The following FRMD4A variants were observed in gnomAD, a reference collection of about 807,000 sequenced individuals.
The protein encoded by FRMD4A is FERM domain containing 4A.
In FRMD4A, 29 loss-of-function variants were observed where a neutral mutation model predicts 129.1. The observed-to-expected ratio is 0.22, with a 90% CI of 0.17 to 0.31. The LOEUF (loss-of-function observed/expected upper bound fraction) is 0.31, where lower values mean the gene tolerates loss of function less well. Ranked by LOEUF, FRMD4A falls within the 10% of genes least tolerant of loss-of-function variation. The pLI is 1.00. For missense variants in FRMD4A, 1,272 were observed against 1,375.8 expected, an observed-to-expected ratio of 0.92 and a Z score of 1.19; for synonymous variants, 634 against 571.6, an observed-to-expected ratio of 1.11 and a Z score of -1.56.
intron 2 of FRMD4A, among the ~76,000 whole-genome samples, chr10:13,948,122 C>A (rs970932142): frequency 6.6e-6 from 1 of 150,896 alleles, no homozygotes; most frequent in Non-Finnish European, 1.5e-5. Context: ...AAATATGGTT[C>A]TCATTAAATG....
At chr10:13,789,818 G>A (rs1438240620) in intron 5 of FRMD4A, among the ~76,000 whole-genome samples, 1 of 144,024 alleles carries the variant, frequency 6.9e-6, no homozygotes, top group African/African-American at 2.8e-5. Context: ...GTGGTGAGGG[G>A]AGTGGGAAGA....
At chr10:13,699,846 T>C (rs1451835248) in intron 14 of FRMD4A, among the ~76,000 whole-genome samples, 1 of 152,196 alleles carries the variant, frequency 6.6e-6, no homozygotes, top group Non-Finnish European at 1.5e-5. Flanking sequence ...CCATTTCTTT[T>C]GATCTAATCG....
chr10:13,712,562 A>G (rs72769528), intron 12 of FRMD4A, among the ~76,000 whole-genome samples: 13,443 of 151,870 alleles, frequency 0.089, 651 homozygotes, highest in Non-Finnish European at 0.1. Flanking sequence ...GATGATCTGG[A>G]CTTGCGTGAA....
At chr10:14,004,897 CT>C (rs2095656287) in intron 2 of FRMD4A, among the ~76,000 whole-genome samples, 1 of 152,190 alleles carries the variant, frequency 6.6e-6, no homozygotes. Flanking sequence ...GTCTTTGTTA[CT>C]TATTTTGTAG....
chr10:14,072,464 G>A (rs1835361809), intron 2 of FRMD4A, among the ~76,000 whole-genome samples: 1 of 152,166 alleles, frequency 6.6e-6, no homozygotes, highest in Non-Finnish European at 1.5e-5. Flanking sequence ...AATATTATAA[G>A]ATTAAAATTC....
At chr10:14,220,971 G>A (rs1373493174) in intron 2 of FRMD4A, among the ~76,000 whole-genome samples, 1 of 151,916 alleles carries the variant, frequency 6.6e-6, no homozygotes, top group Non-Finnish European at 1.5e-5. Flanking sequence ...TATTTAGGCT[G>A]GACTGAGGGG....
intron 15 of FRMD4A, chr10:13,693,685 CTTTT>C (rs200663128): frequency 1.1e-3 from 632 of 601,614 alleles, no homozygotes; most frequent in East Asian, 1.7e-3. Flanking sequence ...TCTACTGATG[CTTTT>C]TTTTTTTTTT....
intron 2 of FRMD4A, among the ~76,000 whole-genome samples, chr10:13,867,242 C>A (rs1264825463): frequency 6.6e-6 from 1 of 151,954 alleles, no homozygotes; most frequent in African/African-American, 2.4e-5. Flanking sequence ...TATACACAAT[C>A]ATATTTTTTG....
intron 2 of FRMD4A, among the ~76,000 whole-genome samples, chr10:13,868,096 A>G (rs2094397351): frequency 6.6e-6 from 1 of 150,766 alleles, no homozygotes; most frequent in Non-Finnish European, 1.5e-5. Flanking sequence ...TCAAAAATAA[A>G]ATTCATCAAT....
chr10:14,257,414 AT>A (rs1434067325), intron 2 of FRMD4A, among the ~76,000 whole-genome samples: 3 of 152,246 alleles, frequency 2.0e-5, no homozygotes, highest in Non-Finnish European at 4.4e-5. Flanking sequence ...CCTTAAAAAA[AT>A]AAAAGCAATG....
intron 13 of FRMD4A, among the ~76,000 whole-genome samples, chr10:13,704,464 T>C (rs548812671): frequency 6.6e-6 from 1 of 152,202 alleles, no homozygotes; most frequent in South Asian, 2.1e-4. Flanking sequence ...TTATCCTAAT[T>C]GAGAAGCCCC....
chr10:14,311,568 C>A (rs960692913), intron 2 of FRMD4A, among the ~76,000 whole-genome samples: 1 of 135,142 alleles, frequency 7.4e-6, no homozygotes, highest in African/African-American at 2.7e-5. Flanking sequence ...ACCCCCCACC[C>A]TCCCACCCAC....
At chr10:14,010,543 G>A (rs1332724858) in intron 2 of FRMD4A, among the ~76,000 whole-genome samples, 1 of 150,886 alleles carries the variant, frequency 6.6e-6, no homozygotes, top group East Asian at 2.0e-4. Flanking sequence ...CGGAGTAGGT[G>A]ACCCCCTCCT....
rs1564300626 is a variant in FRMD4A at position 14,110,130 on chromosome 10, A to AAAAAAAAAAAAAAAAG, written c.45+219927_45+219928insCTTTTTTTTTTTTTTT. Among the ~76,000 whole-genome samples the AAAAAAAAAAAAAAAAG allele has an allele frequency of 1.3e-3, 197 of 149,666 alleles. 5 individuals are homozygous for AAAAAAAAAAAAAAAAG. The highest frequency in any genetic ancestry group is 4.7e-3 in the African/African-American group (190 of 40,736). On this transcript the variant is annotated intron_variant, in intron 2 of 24. Coordinates refer to ENST00000357447, the MANE Select transcript of FRMD4A (RefSeq NM_018027.5). ...GGCAACAAAGCGAGATGCTGTAAAA[A>AAAAAAAAAAAAAAAAG]AAAAAAAAAAAAAAAAAGCTCTTTT... is the stretch of plus-strand genomic sequence containing the variant.
At chr10:13,672,401 A>G (rs1214199760) in intron 16 of FRMD4A, among the ~76,000 whole-genome samples, 3 of 151,750 alleles carry the variant, frequency 2.0e-5, no homozygotes, top group Admixed American at 6.6e-5. Flanking sequence ...TAACACAACT[A>G]TTGAGGGTTT....
intron 2 of FRMD4A, among the ~76,000 whole-genome samples, chr10:14,188,217 C>CA (rs1842207534): frequency 6.6e-6 from 1 of 152,170 alleles, no homozygotes; most frequent in Non-Finnish European, 1.5e-5. Flanking sequence ...ACTGGATTCT[C>CA]AAGTCAACCT....
intron 2 of FRMD4A, among the ~76,000 whole-genome samples, chr10:14,127,607 T>A (rs962775248): frequency 6.6e-6 from 1 of 152,152 alleles, no homozygotes; most frequent in Non-Finnish European, 1.5e-5. Flanking sequence ...ATAATGATAG[T>A]GTCTGCCTGT....
At chr10:13,875,547 A>G (rs557516152) in intron 2 of FRMD4A, among the ~76,000 whole-genome samples, 1 of 152,342 alleles carries the variant, frequency 6.6e-6, no homozygotes, top group African/African-American at 2.4e-5. Context: ...CGCACGTGCT[A>G]GAAGCCCAGC....
At chr10:13,912,950 G>A (rs568722710) in intron 2 of FRMD4A, among the ~76,000 whole-genome samples, 37 of 151,950 alleles carry the variant, frequency 2.4e-4, no homozygotes, top group African/African-American at 8.4e-4. Flanking sequence ...GTGTGTGCCT[G>A]TAATCCTAGC....
Sources: gnomAD v4.1 joint callset for allele counts (sites outside exome capture counted in the v4.1 genomes callset) on GRCh38, gnomAD v4.1.1 for gene constraint, MANE v1.5 for transcripts, NCBI Gene and HGNC (gene_info 2026-07-23, HGNC 2026-07-21) for gene names.